The following PIK3C2G variants were observed in gnomAD, a reference collection of about 807,000 sequenced individuals.
The protein encoded by PIK3C2G is phosphatidylinositol 3-kinase C2 domain-containing subunit gamma.
A neutral mutation model predicts 181.1 loss-of-function variants in PIK3C2G; 168 were observed. The observed-to-expected ratio is 0.93, with a 90% confidence interval of 0.82 to 1.05. PIK3C2G has a LOEUF of 1.05. PIK3C2G is among the 50% of genes least tolerant of loss of function. PIK3C2G has a pLI of 0.00. For missense variants in PIK3C2G, 1,869 were observed against 1,732.8 expected, an observed-to-expected ratio of 1.08 and a Z score of -1.40; for synonymous variants, 573 against 592.2, an observed-to-expected ratio of 0.97 and a Z score of 0.47.
At chr12:18,528,079 C>T (rs1943341373) in intron 24 of PIK3C2G, among the ~76,000 whole-genome samples, 1 of 152,248 alleles carries the variant, frequency 6.6e-6, no homozygotes, top group South Asian at 2.1e-4. Flanking sequence ...TACATGCACT[C>T]TCATGTTCTC....
chr12:18,374,611 T>C (rs1565650692), intron 13 of PIK3C2G, among the ~76,000 whole-genome samples: 1 of 152,202 alleles, frequency 6.6e-6, no homozygotes, highest in Non-Finnish European at 1.5e-5. Flanking sequence ...TTAGGTGCCA[T>C]GCCTTACTCC....
chr12:18,388,018 T>G (rs1943285017), intron 14 of PIK3C2G, among the ~76,000 whole-genome samples: 1 of 152,248 alleles, frequency 6.6e-6, no homozygotes, highest in Non-Finnish European at 1.5e-5. Flanking sequence ...TACATGCTTA[T>G]ATTCCATTAT....
intron 18 of PIK3C2G, among the ~76,000 whole-genome samples, chr12:18,477,599 T>C (rs1431223806): frequency 6.6e-6 from 1 of 152,140 alleles, no homozygotes; most frequent in Non-Finnish European, 1.5e-5. Context: ...ATGAATGGGA[T>C]TAAATGGTCC....
At chr12:18,486,551 T>TA (rs1940058573) in intron 18 of PIK3C2G, among the ~76,000 whole-genome samples, 1 of 152,060 alleles carries the variant, frequency 6.6e-6, no homozygotes, top group Non-Finnish European at 1.5e-5. Flanking sequence ...ATTATTTTGG[T>TA]AAAAAATTGT....
chr12:18,274,367 G>A (rs1288994651), intron 1 of PIK3C2G, among the ~76,000 whole-genome samples: 10 of 152,138 alleles, frequency 6.6e-5, no homozygotes, highest in South Asian at 2.1e-4. Flanking sequence ...TGTTTATTGC[G>A]GCACTATTCC....
At chr12:18,608,403 T>C (rs1948163685) in intron 30 of PIK3C2G, among the ~76,000 whole-genome samples, 1 of 152,092 alleles carries the variant, frequency 6.6e-6, no homozygotes, top group Admixed American at 6.6e-5. Context: ...TCATATCCTT[T>C]GTAGGGACAT....
chr12:18,580,113 T>G (rs190524505), intron 29 of PIK3C2G, among the ~76,000 whole-genome samples: 2 of 142,604 alleles, frequency 1.4e-5, no homozygotes, highest in Admixed American at 7.2e-5. Context: ...AGCCTGGCAA[T>G]AGAGTAAGAC....
chr12:18,385,088 T>C (rs1386595462), intron 14 of PIK3C2G, among the ~76,000 whole-genome samples: 1 of 152,172 alleles, frequency 6.6e-6, no homozygotes, highest in Non-Finnish European at 1.5e-5. Flanking sequence ...GGGAAAGACA[T>C]CTGGCTGAGT....
intron 30 of PIK3C2G, among the ~76,000 whole-genome samples, chr12:18,605,888 A>G (rs1017536450): frequency 6.6e-6 from 1 of 152,106 alleles, no homozygotes; most frequent in Admixed American, 6.6e-5. Context: ...TTAAACCTGC[A>G]CCGTTTATTG....
At chr12:18,720,343 G>A in the PIK3C2G span, among the ~76,000 whole-genome samples, 4 of 151,732 alleles carry the variant, frequency 2.6e-5, no homozygotes, top group Admixed American at 1.3e-4. Flanking sequence ...ATGTCTTTTA[G>A]TGCAAATATA....
At chr12:18,584,513 C>G (rs148613598) in intron 29 of PIK3C2G, among the ~76,000 whole-genome samples, 1 of 151,824 alleles carries the variant, frequency 6.6e-6, no homozygotes, top group Non-Finnish European at 1.5e-5. Context: ...TGAAAAGAAA[C>G]GAACAAAACC....
At chr12:18,698,610 T>C in the PIK3C2G span, among the ~76,000 whole-genome samples, 2 of 152,166 alleles carry the variant, frequency 1.3e-5, no homozygotes, top group African/African-American at 4.8e-5. Context: ...GTGGTATTTC[T>C]ACACAAGATG....
At chr12:18,598,473 C>A (rs984113091) in intron 30 of PIK3C2G, among the ~76,000 whole-genome samples, 1 of 151,678 alleles carries the variant, frequency 6.6e-6, no homozygotes, top group Non-Finnish European at 1.5e-5. Context: ...TGGAACCCTT[C>A]CTTACACCTT....
Position 18,487,701 on chromosome 12 carries a change from C to T in PIK3C2G, c.2505-748C>T, listed in dbSNP as rs183099324. ...ATGCTTCCCATGTTCATGATAGGAG[C>T]AGACTTCCAGGCAGAGACAGAAGCT... On this transcript the variant is annotated intron_variant, in intron 18 of 32. Coordinates refer to ENST00000538779, the MANE Select transcript of PIK3C2G (RefSeq NM_001288772.2). Among the ~76,000 whole-genome samples the T allele has an allele frequency of 5.4e-3, 824 of 152,232 alleles. 5 individuals are homozygous for T. The highest frequency in any genetic ancestry group is 0.019 in the African/African-American group (780 of 41,556).
intron 11 of PIK3C2G, among the ~76,000 whole-genome samples, chr12:18,350,323 C>G (rs1254567862): frequency 1.3e-5 from 2 of 152,054 alleles, no homozygotes; most frequent in Non-Finnish European, 2.9e-5. Context: ...CCTTAAGTCA[C>G]TCATAAAGTA....
intron 26 of PIK3C2G, 121 bp downstream of exon 26, chr12:18,546,553 C>T (rs1944440277): frequency 1.6e-6 from 1 of 630,160 alleles, no homozygotes; most frequent in Non-Finnish European, 2.8e-6. Context: ...CTAGAACAAG[C>T]TTGTGTTCCC....
intron 17 of PIK3C2G, 112 bp from the exon 18 acceptor site, chr12:18,423,833 G>C: frequency 1.5e-6 from 1 of 665,528 alleles, no homozygotes; most frequent in Middle Eastern, 2.5e-4. Context: ...TTAGCATTTT[G>C]TTAAAATATG....
intron 5 of PIK3C2G, among the ~76,000 whole-genome samples, chr12:18,296,370 C>A (rs1429851845): frequency 6.6e-6 from 1 of 152,060 alleles, no homozygotes; most frequent in Non-Finnish European, 1.5e-5. Context: ...TGAGGCTGTC[C>A]ATTTCTAACA....
chr12:18,394,946 G>A (rs1943764284), intron 15 of PIK3C2G, among the ~76,000 whole-genome samples: 1 of 151,494 alleles, frequency 6.6e-6, no homozygotes, highest in Non-Finnish European at 1.5e-5. Flanking sequence ...GAAGTAAAAG[G>A]CTTAGTAATC....
Sources: gnomAD v4.1 joint callset for allele counts (sites outside exome capture counted in the v4.1 genomes callset) on GRCh38, gnomAD v4.1.1 for gene constraint, MANE v1.5 for transcripts, NCBI Gene and HGNC (gene_info 2026-07-23, HGNC 2026-07-21) for gene names.